CD163L1: variants seen among roughly 807,000 people sequenced by gnomAD.
The protein encoded by CD163L1 is scavenger receptor cysteine-rich type 1 protein M160.
Under a neutral mutation model 165.4 loss-of-function variants are expected in CD163L1, and 124 were observed. The observed-to-expected ratio is 0.75, with a 90% CI of 0.65 to 0.87. The LOEUF is 0.87. Among genes scored for constraint, CD163L1 ranks in the 40% least tolerant of loss-of-function variants. CD163L1 has a pLI of 0.00. For missense variants in CD163L1, 1,525 were observed against 1,799.9 expected, an observed-to-expected ratio of 0.85 and a Z score of 2.76; for synonymous variants, 585 against 662.2, an observed-to-expected ratio of 0.88 and a Z score of 1.79.
rs745681157 is a variant in CD163L1 at position 7,374,648 on chromosome 12, C to T, written c.3203G>A (p.Ser1068Asn). 9.3e-6 allele frequency: 15 copies of T among 1,614,094 alleles called. No homozygotes were observed. Among genetic ancestry groups the T allele is most frequent in the African/African-American group, 1.3e-5 (1 of 74,926 alleles). Residue 1068 changes from serine (S) to asparagine (N), a missense_variant, in exon 13 of 20, where the codon AGC becomes AAC. Coordinates refer to ENST00000313599, the MANE Select transcript of CD163L1 (RefSeq NM_174941.6). The surrounding 1 kb of genome is among the most constrained non-coding windows in gnomAD (Gnocchi z 5.4). ...GTICDDGWDL[S>N]DAHVVCQKLG... ...CTTTTGACACACCACGTGGGCATCG[C>T]TCAGGTCCCAGCCGTCATCACAGAT...
chr12:7,370,262 G>A (rs1048867089), intron 14 of CD163L1, among the ~76,000 whole-genome samples: 3 of 152,102 alleles, frequency 2.0e-5, no homozygotes, highest in East Asian at 1.9e-4. Context: ...CCTTTAAGCC[G>A]GTTCCTGAAA....
In CD163L1 at chr12:7,396,370, C is replaced by G. The variant is rs1371383058; in HGVS notation, c.1775G>C (p.Cys592Ser). 14 of 1,611,438 alleles carry G rather than the reference C, an allele frequency of 8.7e-6. No individual in the cohort carries two copies. Among genetic ancestry groups the G allele is most frequent in the Non-Finnish European group, 1.2e-5 (14 of 1,177,928 alleles). Residue 592 changes from cysteine (C) to serine (S), a missense_variant, in exon 8 of 20, where the codon TGC becomes TCC. Cys to Ser is a moderately radical substitution (Grantham distance 112). Transcript: ENST00000313599. The stretch of plus-strand genomic sequence containing the variant: ...AAAGTACACCTCCAGTCTTCCCGAG[C>G]AGCGGTTGCTGCCGCCCACCAGCCT... The part of the protein sequence containing the change: ...GLRLVGGSNR[C>S]SGRLEVYFQG...
intron 8 of CD163L1, among the ~76,000 whole-genome samples, chr12:7,384,171 T>TAAA (rs143282690): frequency 2.0e-5 from 3 of 150,934 alleles, no homozygotes; most frequent in South Asian, 2.1e-4. Flanking sequence ...ATGAAAAACA[T>TAAA]AAAAAAAATC....
intron 1 of CD163L1, 67 bp from the exon 2 acceptor site, chr12:7,441,313 G>T: frequency 1.8e-6 from 2 of 1,119,880 alleles, no homozygotes; most frequent in Non-Finnish European, 2.7e-6. Context: ...TGACCTCAAT[G>T]ACTTAAATCC....
In CD163L1 at chr12:7,367,270, G is replaced by A. The variant is rs929376177; in HGVS notation, c.4245C>T (p.Leu1415=). ...ENLFHEMETC[L]KREDPHGTRT... is the part of the protein sequence containing the mutation. The stretch of plus-strand genomic sequence containing the variant: ...TTGTCCCATGTGGGTCCTCTCTCTT[G>A]AGGCAGGTCTCCATCTCATGGAATA... The change falls in exon 18 of 20, where the codon CTC becomes CTT. Residue 1415 remains leucine (L), a synonymous_variant. Transcript: ENST00000313599. 6.2e-7 allele frequency: 1 copy of A among 1,613,512 alleles called. No individual in the cohort carries two copies. Among genetic ancestry groups the A allele is most frequent in the East Asian group, 2.2e-5 (1 of 44,858 alleles).
intron 8 of CD163L1, among the ~76,000 whole-genome samples, chr12:7,390,851 G>A (rs939594350): frequency 1.3e-5 from 2 of 152,100 alleles, no homozygotes; most frequent in Admixed American, 6.5e-5. Context: ...GTACTACATG[G>A]GTGGTTGTAT....
At chr12:7,383,031 T>C (rs1947445094) in intron 8 of CD163L1, among the ~76,000 whole-genome samples, 1 of 152,144 alleles carries the variant, frequency 6.6e-6, no homozygotes. Flanking sequence ...CTGGGGTCAC[T>C]ATCACTGATA....
intron 8 of CD163L1, among the ~76,000 whole-genome samples, chr12:7,395,257 TG>T (rs1947748596): frequency 2.0e-5 from 3 of 152,142 alleles, no homozygotes; most frequent in Admixed American, 2.0e-4. Context: ...TGGAATACTA[TG>T]CAGCCATAAA....
At chr12:7,320,044 AG>A in the CD163L1 span, among the ~76,000 whole-genome samples, 3 of 152,234 alleles carry the variant, frequency 2.0e-5, no homozygotes, top group African/African-American at 7.2e-5. Flanking sequence ...CAGGCAGCCC[AG>A]ACATACATTT....
At chr12:7,441,056 T>A (rs1948825295) in intron 2 of CD163L1, 98 bp downstream of exon 2, 2 of 790,794 alleles carry the variant, frequency 2.5e-6, no homozygotes, top group Non-Finnish European at 4.3e-6. Context: ...TATTTTTACA[T>A]GTTCTATTTC....
At position 7,379,004 on chromosome 12, in the gene CD163L1, T is replaced by A. The variant is rs1444049621; in HGVS notation, c.2345A>T (p.Asn782Ile). The change falls in exon 9 of 20, where the codon AAT becomes ATT. Residue 782 changes from asparagine (N) to isoleucine (I), a missense_variant. By Grantham distance (149) the Asn-to-Ile change is moderately radical. Coordinates refer to ENST00000313599, the MANE Select transcript of CD163L1 (RefSeq NM_174941.6). Reference sequence around the variant, plus strand: ...TGAGCAGATCAAACTTGCTTCCATATTTAAATGACACGCAGTCTGTTTCCA... The same window carrying A: ...TGAGCAGATCAAACTTGCTTCCATAATTAAATGACACGCAGTCTGTTTCCA... ...WEWKQTACHL[N>I]MEASLICSAH... 1.2e-6 allele frequency: 2 copies of A among 1,607,058 alleles called. No individual in the cohort carries two copies. The highest frequency in any genetic ancestry group is 2.7e-5 in the African/African-American group (2 of 74,826).
intron 14 of CD163L1, among the ~76,000 whole-genome samples, chr12:7,370,487 G>A (rs1340413910): frequency 6.6e-6 from 1 of 152,036 alleles, no homozygotes; most frequent in Non-Finnish European, 1.5e-5. Context: ...TTTCTCTATT[G>A]GATTTTAGTT....
chr12:7,362,600 T>C (rs1946926681), intron 18 of CD163L1, among the ~76,000 whole-genome samples: 1 of 144,478 alleles, frequency 6.9e-6, no homozygotes, highest in Non-Finnish European at 1.5e-5. Flanking sequence ...TAATATAAAT[T>C]TATAGCTTAT....
At chr12:7,343,305 T>C (rs1946649240), downstream of CD163L1, among the ~76,000 whole-genome samples, 1 of 152,232 alleles carries the variant, frequency 6.6e-6, no homozygotes, top group Non-Finnish European at 1.5e-5. Flanking sequence ...CGAAAGTCTC[T>C]TCACTGTCTC....
Position 7,433,409 on chromosome 12 carries a change from C to G in CD163L1, c.410G>C (p.Cys137Ser). The G allele has an allele frequency of 6.2e-7, 1 of 1,606,492 alleles. No homozygotes were observed. The highest frequency in any genetic ancestry group is 1.1e-5 in the South Asian group (1 of 88,974). Residue 137 changes from cysteine (C) to serine (S), a missense_variant, in exon 3 of 20, where the codon TGT becomes TCT. Physicochemically the swap from Cys to Ser is moderately radical, Grantham distance 112. Coordinates refer to ENST00000313599, the MANE Select transcript of CD163L1 (RefSeq NM_174941.6). ...CACACCAACATCTTCTCCATGATAACAGTTATGGCTTCCCCATTCCCGGTG... is the reference window on the plus strand; with the variant it reads ...CACACCAACATCTTCTCCATGATAAGAGTTATGGCTTCCCCATTCCCGGTG... ...CQHREWGSHN[C>S]YHGEDVGVNC...
chr12:7,358,810 C>T (rs911390600), intron 18 of CD163L1, among the ~76,000 whole-genome samples: 4 of 152,030 alleles, frequency 2.6e-5, no homozygotes, highest in African/African-American at 9.7e-5. Flanking sequence ...AACTTTAAAA[C>T]AACTAGGATT....
intron 4 of CD163L1, among the ~76,000 whole-genome samples, chr12:7,417,018 A>G (rs1480881856): frequency 6.6e-6 from 1 of 152,114 alleles, no homozygotes; most frequent in Non-Finnish European, 1.5e-5. Flanking sequence ...CAGTGTGGCC[A>G]TTTTCATGAT....
At chr12:7,360,427 G>A (rs538408510) in intron 18 of CD163L1, among the ~76,000 whole-genome samples, 9 of 152,216 alleles carry the variant, frequency 5.9e-5, no homozygotes, top group African/African-American at 9.6e-5. Context: ...ACAGGCATGA[G>A]CCACCACACA....
rs763543071 is a variant in CD163L1, at chr12:7,426,123, G to A, written c.766+6293C>T. On this transcript the variant is annotated intron_variant, in intron 4 of 19. Coordinates refer to ENST00000313599, the MANE Select transcript of CD163L1 (RefSeq NM_174941.6). ...ATACTATGCAGCCATAAAAAAGAAT[G>A]AGTTCATGTTCTTTGCAGGGACATG... Among the ~76,000 whole-genome samples the A allele has an allele frequency of 1.6e-3, 251 of 152,292 alleles. 1 individual carries two copies. The highest frequency in any genetic ancestry group is 5.8e-3 in the African/African-American group (242 of 41,564).
Sources: allele counts gnomAD v4.1 joint callset (sites outside exome capture counted in the v4.1 genomes callset), GRCh38; gene constraint gnomAD v4.1.1; non-coding constraint Gnocchi (gnomAD v3.1); transcripts MANE v1.5; gene names NCBI Gene and HGNC (gene_info 2026-07-23, HGNC 2026-07-21).